KCNH7: variants seen among roughly 807,000 people sequenced by gnomAD.
The protein encoded by KCNH7 is voltage-gated inwardly rectifying potassium channel KCNH7.
Under a neutral mutation model 120.8 loss-of-function variants are expected in KCNH7, and 49 were observed. That is an observed-to-expected ratio of 0.41 (90% confidence interval 0.32 to 0.51). The LOEUF (loss-of-function observed/expected upper bound fraction) is 0.51, where lower values mean the gene tolerates loss of function less well. Among genes scored for constraint, KCNH7 ranks in the 20% least tolerant of loss-of-function variants. The pLI, the probability that KCNH7 is intolerant of heterozygous loss-of-function variation, is 0.38. For synonymous variants in KCNH7, 547 were observed against 516.1 expected, an observed-to-expected ratio of 1.06 and a Z score of -0.81; for missense variants, 1,097 against 1,446.6, an observed-to-expected ratio of 0.76 and a Z score of 3.92.
At chr2:162,541,456 G>A (rs950113785) in intron 2 of KCNH7, among the ~76,000 whole-genome samples, 3 of 152,026 alleles carry the variant, frequency 2.0e-5, no homozygotes, top group Admixed American at 6.6e-5. Flanking sequence ...GCCCATCAGT[G>A]ATAGACTGGA....
At chr2:162,647,900 G>A (rs1018512793) in intron 2 of KCNH7, among the ~76,000 whole-genome samples, 1 of 152,146 alleles carries the variant, frequency 6.6e-6, no homozygotes, top group Non-Finnish European at 1.5e-5. Flanking sequence ...TCCCTAGTTT[G>A]CCTGTGGTGG....
chr2:162,467,432 A>G (rs1398373358), intron 6 of KCNH7, among the ~76,000 whole-genome samples: 1 of 152,070 alleles, frequency 6.6e-6, no homozygotes, highest in Non-Finnish European at 1.5e-5. Flanking sequence ...TTATCGCTTT[A>G]TTAGTTCTCT....
chr2:162,380,987 T>C (rs982389691), intron 13 of KCNH7, among the ~76,000 whole-genome samples: 2 of 152,184 alleles, frequency 1.3e-5, no homozygotes, highest in Non-Finnish European at 2.9e-5. Context: ...CATTTTTGTC[T>C]ATATTTTAGA....
intron 7 of KCNH7, among the ~76,000 whole-genome samples, chr2:162,435,987 TAG>T (rs1688222949): frequency 6.6e-6 from 1 of 152,140 alleles, no homozygotes; most frequent in South Asian, 2.1e-4. Flanking sequence ...ACTTTCCTAA[TAG>T]AGACAGCTAT....
intron 4 of KCNH7, among the ~76,000 whole-genome samples, chr2:162,514,341 T>A (rs958936806): frequency 4.0e-5 from 6 of 151,894 alleles, no homozygotes; most frequent in African/African-American, 7.2e-5. Flanking sequence ...AGAAGCTGGG[T>A]CCAAAAACCA....
In KCNH7 at chr2:162,616,216, T is replaced by C. The variant is rs143956469; in HGVS notation, c.308-79136A>G. ...GATAAAAGAGTGAACTTCAACTCCA[T>C]CTAATTCATATGTATTAAATAAACC... is the stretch of plus-strand genomic sequence containing the variant. On this transcript the variant is annotated intron_variant, in intron 2 of 15. Transcript: ENST00000332142. 1.2e-3 allele frequency among the ~76,000 whole-genome samples: 185 copies of C among 152,316 alleles called. 1 individual carries two copies. The highest frequency in any genetic ancestry group is 4.2e-3 in the African/African-American group (175 of 41,564).
chr2:162,507,810 A>G, intron 5 of KCNH7, among the ~76,000 whole-genome samples: 1 of 151,572 alleles, frequency 6.6e-6, no homozygotes, highest in Non-Finnish European at 1.5e-5. Context: ...GTTACTTCCC[A>G]TTTTTAAAAT....
chr2:162,749,752 A>C (rs913783375), intron 2 of KCNH7, among the ~76,000 whole-genome samples: 3 of 152,130 alleles, frequency 2.0e-5, no homozygotes, highest in African/African-American at 7.2e-5. Flanking sequence ...ATACATCTCA[A>C]GGGCAAATTC....
At chr2:162,780,242 T>C (rs1453986004) in intron 2 of KCNH7, among the ~76,000 whole-genome samples, 2 of 152,238 alleles carry the variant, frequency 1.3e-5, no homozygotes, top group African/African-American at 4.8e-5. Context: ...CAAAGCTTTC[T>C]GCATCTCCTT....
chr2:162,483,982 G>A (rs897393044), intron 6 of KCNH7, among the ~76,000 whole-genome samples: 9 of 152,292 alleles, frequency 5.9e-5, no homozygotes, highest in African/African-American at 1.7e-4. Context: ...GAAGTGCCAA[G>A]TGGAAAGAGC....
chr2:162,553,360 A>AT (rs1692745558), intron 2 of KCNH7, among the ~76,000 whole-genome samples: 1 of 152,192 alleles, frequency 6.6e-6, no homozygotes, highest in Admixed American at 6.5e-5. Flanking sequence ...CATTAGCATA[A>AT]CATGCTGCTG....
intron 2 of KCNH7, among the ~76,000 whole-genome samples, chr2:162,749,727 A>C (rs2105428301): frequency 6.6e-6 from 1 of 152,298 alleles, no homozygotes; most frequent in Admixed American, 6.5e-5. Flanking sequence ...TACATGACAG[A>C]TAATACCAAA....
intron 2 of KCNH7, among the ~76,000 whole-genome samples, chr2:162,660,802 A>T (rs1684933380): frequency 6.6e-6 from 1 of 152,198 alleles, no homozygotes; most frequent in African/African-American, 2.4e-5. Context: ...CACAACCTTT[A>T]AAATGGTATA....
chr2:162,781,227 T>C (rs1246147479), intron 2 of KCNH7, among the ~76,000 whole-genome samples: 1 of 152,082 alleles, frequency 6.6e-6, no homozygotes. Context: ...ATGTTTTGTA[T>C]GTATTAGCTC....
At position 162,492,055 on chromosome 2, in the gene KCNH7, C is replaced by T. The variant is rs545233525; in HGVS notation, c.1128+12388G>A. On this transcript the variant is annotated intron_variant, in intron 6 of 15. Coordinates refer to ENST00000332142, the MANE Select transcript of KCNH7 (RefSeq NM_033272.4). ...AGGGGAAGGGAACCCAGAAGCCTGA[C>T]ATGCCCCGAAAAGGGCAAAAGTTCT... 1.6e-4 allele frequency among the ~76,000 whole-genome samples: 25 copies of T among 152,316 alleles called. 1 individual carries two copies. The South Asian group carries it at 5.0e-3, about 30-fold the overall frequency.
At position 162,410,288 on chromosome 2, in the gene KCNH7, C is replaced by A. The variant is rs572795496; in HGVS notation, c.2155-9847G>T. ...AAATAAAGCCACACACATACAGCCA[C>A]CTGATTTTCAACAAAGCTGACAATA... On this transcript the variant is annotated intron_variant, in intron 9 of 15. Coordinates refer to ENST00000332142, the MANE Select transcript of KCNH7 (RefSeq NM_033272.4). Among the ~76,000 whole-genome samples the A allele has an allele frequency of 2.6e-5, 4 of 151,934 alleles. No homozygotes were observed. In the South Asian group the frequency reaches 6.2e-4, roughly 24 times the overall value.
chr2:162,398,895 C>T (rs1439030633), intron 10 of KCNH7, among the ~76,000 whole-genome samples: 2 of 151,626 alleles, frequency 1.3e-5, no homozygotes, highest in East Asian at 3.9e-4. Flanking sequence ...GGTTAGAAAA[C>T]CAAATTTGGG....
intron 2 of KCNH7, among the ~76,000 whole-genome samples, chr2:162,676,377 A>T (rs540546099): frequency 1.3e-5 from 2 of 151,670 alleles, no homozygotes; most frequent in East Asian, 1.9e-4. Flanking sequence ...TAGCAACGTT[A>T]TGGTAAAACA....
chr2:162,517,089 A>C (rs1390379805), intron 4 of KCNH7, among the ~76,000 whole-genome samples: 1 of 151,786 alleles, frequency 6.6e-6, no homozygotes, highest in African/African-American at 2.4e-5. Context: ...GCTTTTTTTA[A>C]GGATCCTTAA....
Sources: gnomAD v4.1 joint callset for allele counts (sites outside exome capture counted in the v4.1 genomes callset) on GRCh38, gnomAD v4.1.1 for gene constraint, MANE v1.5 for transcripts, NCBI Gene and HGNC (gene_info 2026-07-23, HGNC 2026-07-21) for gene names.